ALMS1: variants seen among roughly 807,000 people sequenced by gnomAD.
ALMS1 encodes centrosome-associated protein ALMS1.
A neutral mutation model predicts 352.2 loss-of-function variants in ALMS1; 271 were observed. The observed-to-expected ratio is 0.77, with a 90% CI of 0.70 to 0.85. The LOEUF (loss-of-function observed/expected upper bound fraction) is 0.85. Among genes scored for constraint, ALMS1 ranks in the 40% least tolerant of loss-of-function variants. The pLI is 0.00. For synonymous variants in ALMS1, 1,865 were observed against 1,761.2 expected (o/e 1.06, Z -1.48); for missense variants, 5,445 against 4,870.7 (o/e 1.12, Z -3.51).
intron 7 of ALMS1, among the ~76,000 whole-genome samples, chr2:73,446,740 A>G (rs1277215531): frequency 6.6e-6 from 1 of 152,098 alleles, no homozygotes; most frequent in Admixed American, 6.6e-5. Context: ...TAGAAAAACT[A>G]TGTATCTTTG....
intron 10 of ALMS1, among the ~76,000 whole-genome samples, chr2:73,503,102 TA>T (rs751550853): frequency 3.5e-4 from 53 of 152,164 alleles, no homozygotes; most frequent in Non-Finnish European, 5.3e-4. Flanking sequence ...TTTTTATTTT[TA>T]TTTTTTTATA....
In ALMS1 at chr2:73,439,410, G is replaced by A. The variant is rs1037690551; in HGVS notation, c.1432+7119G>A. Among the ~76,000 whole-genome samples the A allele has an allele frequency of 3.3e-5, 5 of 151,716 alleles. No homozygotes were observed. In the East Asian group the frequency reaches 7.7e-4, roughly 23 times the overall value. On this transcript the variant is annotated intron_variant, in intron 7 of 22. Transcript: ENST00000613296. ...GCTGAGATTACAGGCATGAGCCACC[G>A]TACCCGGCCTTTTTATCTGTCTTTT...
Position 73,550,363 on chromosome 2 carries a change from G to T in ALMS1, c.10004G>T (p.Gly3335Val), listed in dbSNP as rs1344858585. ...ACTGTTAACATTAAACATAAAGAAGGAATCTACAGTAAGAGGGTAGTGACT... is the reference window on the plus strand; with the variant it reads ...ACTGTTAACATTAAACATAAAGAAGTAATCTACAGTAAGAGGGTAGTGACT... ...SATVNIKHKE[G>V]IYSKRVVTKA... Residue 3335 changes from glycine (G) to valine (V), a missense_variant, in exon 13 of 23, where the codon GGA becomes GTA. By Grantham distance (109) the Gly-to-Val change is moderately radical. Transcript: ENST00000613296. 5.0e-6 allele frequency: 8 copies of T among 1,614,182 alleles called. No individual in the cohort carries two copies. The highest frequency in any genetic ancestry group is 6.8e-6 in the Non-Finnish European group (8 of 1,180,028).
intron 9 of ALMS1, chr2:73,457,078 T>G (rs1291904000): frequency 6.6e-6 from 1 of 152,140 alleles, no homozygotes; most frequent in Admixed American, 6.6e-5. Flanking sequence ...AGATCTTTAA[T>G]GGTCACAGCA....
In ALMS1 at chr2:73,450,123, G is replaced by A. The variant is rs1572934110; in HGVS notation, c.3596G>A (p.Gly1199Asp). The change falls in exon 8 of 23, where the codon GGT (glycine) becomes GAT (aspartate). Residue 1199 changes from glycine to aspartate, a missense_variant. Gly to Asp is a moderately conservative substitution (Grantham distance 94). Transcript: ENST00000613296. ...TTCTACTCACAAAGAGAGAAACCTG[G>A]TATTTTCTATCAACAGACCTTGCCA... is the stretch of plus-strand genomic sequence containing the variant. ...STFYSQREKP[G>D]IFYQQTLPGS... is the part of the protein sequence containing the mutation. 1 of 1,613,962 alleles carries A rather than the reference G, an allele frequency of 6.2e-7. No homozygotes were observed. The highest frequency in any genetic ancestry group is 8.5e-7 in the Non-Finnish European group (1 of 1,179,954).
chr2:73,451,754 C>T lies in ALMS1; in HGVS notation c.5227C>T (p.Gln1743Ter). 2 of 1,613,830 alleles carry T rather than the reference C, an allele frequency of 1.2e-6. No homozygotes were observed. Among genetic ancestry groups the T allele is most frequent in the African/African-American group, 1.3e-5 (1 of 74,936 alleles). The change falls in exon 8 of 23, where the codon CAA becomes TAA. Residue 1743 changes from glutamine (Q) to a stop codon, truncating the protein, a stop_gained. Coordinates refer to ENST00000613296, the MANE Select transcript of ALMS1 (RefSeq NM_001378454.1). LOFTEE classifies it high-confidence loss of function. ...QEALKVSAVP[Q>*]PADQKTGLST... ...AGCTCTGAAAGTTTCAGCTGTTCCT[C>T]AACCAGCTGACCAGAAGACTGGGTT...
chr2:73,493,860 A>G (rs1673044525), intron 10 of ALMS1, among the ~76,000 whole-genome samples: 1 of 152,202 alleles, frequency 6.6e-6, no homozygotes, highest in Non-Finnish European at 1.5e-5. Flanking sequence ...TGTATTATCT[A>G]TTGCTGTGTA....
Position 73,572,682 on chromosome 2 carries a change from G to A in ALMS1, c.10805G>A (p.Trp3602Ter). The A allele has an allele frequency of 6.2e-7, 1 of 1,614,086 alleles. No individual in the cohort carries two copies. Among genetic ancestry groups the A allele is most frequent in the Non-Finnish European group, 8.5e-7 (1 of 1,180,004 alleles). Residue 3602 changes from tryptophan to a stop codon, truncating the protein, a stop_gained, in exon 16 of 23, where the codon TGG (tryptophan) becomes TAG (stop). Transcript: ENST00000613296. LOFTEE classifies it high-confidence loss of function. ...CACACTGTGAGTTTGAATGAACTGT[G>A]GAACAAGTATCGGGAGCGACAGAGG... is the stretch of plus-strand genomic sequence containing the variant. ...TQHTVSLNEL[W>*]NKYRERQRQQ...
chr2:73,593,514 A>G (rs1276859383), intron 16 of ALMS1, among the ~76,000 whole-genome samples: 1 of 152,154 alleles, frequency 6.6e-6, no homozygotes, highest in East Asian at 1.9e-4. Context: ...TTTTCTCCAA[A>G]CAAGACTTCA....
At chr2:73,583,384 A>G (rs1297257244) in intron 16 of ALMS1, among the ~76,000 whole-genome samples, 1 of 151,676 alleles carries the variant, frequency 6.6e-6, no homozygotes, top group African/African-American at 2.4e-5. Context: ...ACTGCTTTAT[A>G]TTTTCTGTAT....
At chr2:73,492,532 A>C (rs1261965128) in intron 10 of ALMS1, among the ~76,000 whole-genome samples, 1 of 152,074 alleles carries the variant, frequency 6.6e-6, no homozygotes, top group Admixed American at 6.5e-5. Flanking sequence ...TAGAATTTGA[A>C]CCCTAATTCC....
intron 13 of ALMS1, among the ~76,000 whole-genome samples, chr2:73,554,597 C>T (rs1218884976): frequency 6.6e-6 from 1 of 151,834 alleles, no homozygotes; most frequent in African/African-American, 2.4e-5. Flanking sequence ...CCTGTAGTCC[C>T]AGCTACTCAG....
At chr2:73,607,823 T>C (rs1216351706) in intron 21 of ALMS1, among the ~76,000 whole-genome samples, 1 of 150,914 alleles carries the variant, frequency 6.6e-6, no homozygotes, top group African/African-American at 2.4e-5. Flanking sequence ...TTTTTTTTTT[T>C]TTTTTGGTGT....
Position 73,598,500 on chromosome 2 carries a change from C to G in ALMS1, c.11548-901C>G, listed in dbSNP as rs550762829. Among the ~76,000 whole-genome samples, 212 of 152,290 alleles carry G rather than the reference C, an allele frequency of 1.4e-3. 4 individuals carry two copies. The South Asian group carries it at 0.021, about 15-fold the overall frequency. ...AGTGTCTAACATAGATCTTCCTCCCCAAAATTCTGTTACAAGTTTCTTTGT... is the reference window on the plus strand; with the variant it reads ...AGTGTCTAACATAGATCTTCCTCCCGAAAATTCTGTTACAAGTTTCTTTGT... On this transcript the variant is annotated intron_variant, in intron 16 of 22. Coordinates refer to ENST00000613296, the MANE Select transcript of ALMS1 (RefSeq NM_001378454.1).
chr2:73,559,175 G>T, intron 15 of ALMS1, 33 bp downstream of exon 15: 1 of 1,602,274 alleles, frequency 6.2e-7, no homozygotes, highest in Non-Finnish European at 8.5e-7. Context: ...GAGTGTGTGT[G>T]TCTTTGTGTG....
rs1270212178 is a variant in ALMS1, at chr2:73,557,244, C to T, written c.10103C>T (p.Thr3368Ile). ...GATGCCTCAGTTCAAGTGCTAATCA[C>T]TGGGGATGAGAACCTCTCAGACAAA... ...NADASVQVLI[T>I]GDENLSDKKQ... The change falls in exon 14 of 23, where the codon ACT becomes ATT. Residue 3368 changes from threonine (T) to isoleucine (I), a missense_variant. Transcript: ENST00000613296. 1 of 1,614,102 alleles carries T rather than the reference C, an allele frequency of 6.2e-7. No individual in the cohort carries two copies. The highest frequency in any genetic ancestry group is 8.5e-7 in the Non-Finnish European group (1 of 1,180,024).
intron 8 of ALMS1, chr2:73,454,538 A>AC (rs1672019976): frequency 4.7e-6 from 1 of 211,494 alleles, no homozygotes; most frequent in Admixed American, 6.5e-5. Flanking sequence ...TTCTAATAGA[A>AC]CTCTTGGTGT....
intron 11 of ALMS1, among the ~76,000 whole-genome samples, chr2:73,521,619 G>A (rs1299575037): frequency 2.0e-5 from 3 of 151,016 alleles, no homozygotes; most frequent in East Asian, 3.9e-4. Context: ...ACACTGTGGC[G>A]GGTGCCTGTA....
chr2:73,407,338 A>C (rs1333362338), intron 1 of ALMS1, among the ~76,000 whole-genome samples: 1 of 152,156 alleles, frequency 6.6e-6, no homozygotes, highest in Non-Finnish European at 1.5e-5. Context: ...TGACCCAGTC[A>C]CCTCTGAAAG....
Sources: allele counts gnomAD v4.1 joint callset (sites outside exome capture counted in the v4.1 genomes callset), GRCh38; gene constraint gnomAD v4.1.1; transcripts MANE v1.5; gene names NCBI Gene and HGNC (gene_info 2026-07-23, HGNC 2026-07-21).